The following TENM3 variants were observed in gnomAD, a reference collection of about 807,000 sequenced individuals.
TENM3 encodes teneurin transmembrane protein 3.
TENM3 carries 63 observed loss-of-function variants against 255.1 expected under a neutral mutation model. The observed-to-expected ratio is 0.25, with a 90% CI of 0.20 to 0.30. The LOEUF is 0.30. Ranked by LOEUF, TENM3 falls within the 10% of genes least tolerant of loss-of-function variation. TENM3 has a pLI of 1.00. For synonymous variants in TENM3, 1,306 were observed against 1,322.3 expected (o/e 0.99, Z 0.27); for missense variants, 2,929 against 3,461.1 (o/e 0.85, Z 3.86).
rs570798390 is a variant in TENM3 at position 182,571,306 on chromosome 4, AC to A, written c.512-29617del. ...TTTGGGAGGCCAAGGCAGACAGATC[AC>A]TTGAGCCCAGGAGTTTGAGACCAGC... is the stretch of plus-strand genomic sequence containing the variant. On this transcript the variant is annotated intron_variant, in intron 3 of 27. Coordinates refer to ENST00000511685, the MANE Select transcript of TENM3 (RefSeq NM_001080477.4). 4.6e-4 allele frequency among the ~76,000 whole-genome samples: 70 copies of A among 152,312 alleles called. 1 individual carries two copies. The South Asian group carries it at 0.014, about 31-fold the overall frequency.
the TENM3 span, among the ~76,000 whole-genome samples, chr4:182,076,070 T>C: frequency 6.6e-6 from 1 of 152,010 alleles, no homozygotes; most frequent in Non-Finnish European, 1.5e-5. Context: ...TGTGACACAA[T>C]GCCTAATTTT....
At chr4:182,702,926 C>T (rs1398075991) in intron 12 of TENM3, among the ~76,000 whole-genome samples, 4 of 151,808 alleles carry the variant, frequency 2.6e-5, no homozygotes, top group Non-Finnish European at 4.4e-5. Flanking sequence ...TTAGTAGAGA[C>T]GGGGTTTCAC....
intron 1 of TENM3, among the ~76,000 whole-genome samples, chr4:182,191,906 T>A (rs1388214677): frequency 6.6e-6 from 1 of 152,200 alleles, no homozygotes; most frequent in Non-Finnish European, 1.5e-5. Context: ...AATTTTATAA[T>A]TGTATGAGCC....
the TENM3 span, among the ~76,000 whole-genome samples, chr4:181,760,516 T>C: frequency 1.3e-5 from 2 of 152,168 alleles, no homozygotes; most frequent in South Asian, 2.1e-4. Flanking sequence ...GTATATATTA[T>C]TTGTAGTTTA....
the TENM3 span, among the ~76,000 whole-genome samples, chr4:181,558,436 G>A: frequency 1.3e-5 from 2 of 152,216 alleles, no homozygotes; most frequent in Admixed American, 1.3e-4. Flanking sequence ...AAATACAAAT[G>A]TGGATCGTGA....
At chr4:182,302,227 A>T (rs1454150288) in intron 1 of TENM3, among the ~76,000 whole-genome samples, 1 of 151,976 alleles carries the variant, frequency 6.6e-6, no homozygotes, top group Non-Finnish European at 1.5e-5. Flanking sequence ...GCCCCACCCC[A>T]CCTGTTCTCA....
At chr4:182,392,447 T>C (rs1230448976) in intron 3 of TENM3, among the ~76,000 whole-genome samples, 28 of 152,222 alleles carry the variant, frequency 1.8e-4, no homozygotes, top group Admixed American at 1.8e-3. Context: ...TTTAATTACA[T>C]GTAACTTGAA....
the TENM3 span, among the ~76,000 whole-genome samples, chr4:181,628,926 A>T: frequency 6.6e-6 from 1 of 152,106 alleles, no homozygotes; most frequent in Admixed American, 6.6e-5. Context: ...TACCTTGGGC[A>T]GTATGGCCAT....
chr4:182,715,244 G>A (rs1001051704), intron 13 of TENM3, among the ~76,000 whole-genome samples: 4 of 152,136 alleles, frequency 2.6e-5, no homozygotes, highest in Non-Finnish European at 5.9e-5. Context: ...GTTCCTATCC[G>A]GGCCTCTGTG....
At chr4:182,376,695 G>T (rs1435995062) in intron 3 of TENM3, among the ~76,000 whole-genome samples, 1 of 151,954 alleles carries the variant, frequency 6.6e-6, no homozygotes, top group Non-Finnish European at 1.5e-5. Context: ...CGGAGTCAGT[G>T]TACAGAAACC....
chr4:182,502,288 C>T (rs1284153545), intron 3 of TENM3, among the ~76,000 whole-genome samples: 1 of 152,080 alleles, frequency 6.6e-6, no homozygotes, highest in Non-Finnish European at 1.5e-5. Flanking sequence ...GCGGCAGAGG[C>T]GGTGCTGTGT....
the TENM3 span, among the ~76,000 whole-genome samples, chr4:181,719,686 TG>T: frequency 2.8e-4 from 42 of 152,248 alleles, 1 homozygote; most frequent in African/African-American, 9.6e-4. Context: ...CATATGAATT[TG>T]GGGGGATTCA....
chr4:182,072,686 A>G, the TENM3 span, among the ~76,000 whole-genome samples: 1 of 152,148 alleles, frequency 6.6e-6, no homozygotes, highest in Admixed American at 6.5e-5. Context: ...ACAGCTTCTT[A>G]AGGTGACACA....
chr4:182,470,183 T>C (rs1580663841), intron 3 of TENM3, among the ~76,000 whole-genome samples: 2 of 152,342 alleles, frequency 1.3e-5, no homozygotes, highest in South Asian at 2.1e-4. Context: ...GCAAGTCATT[T>C]ATTAACTAGT....
At chr4:181,547,945 G>T in the TENM3 span, among the ~76,000 whole-genome samples, 383 of 152,048 alleles carry the variant, frequency 2.5e-3, 2 homozygotes, top group African/African-American at 8.6e-3. Context: ...ATCTCCTAAT[G>T]CTATCCCTCC....
At chr4:182,134,787 G>A in the TENM3 span, among the ~76,000 whole-genome samples, 129 of 152,202 alleles carry the variant, frequency 8.5e-4, no homozygotes, top group African/African-American at 2.9e-3. Flanking sequence ...CACATGGCCC[G>A]TAGGAGCTTG....
the TENM3 span, among the ~76,000 whole-genome samples, chr4:181,909,660 C>T: frequency 2.0e-5 from 3 of 152,112 alleles, no homozygotes; most frequent in African/African-American, 7.2e-5. Flanking sequence ...TTTTAAAAAG[C>T]AATATGATGC....
rs1755973359 is a variant in TENM3 at position 182,679,707 on chromosome 4, C to G, written c.1368C>G (p.Ala456=). Residue 456 remains alanine (A), a synonymous_variant, in exon 8 of 28, where the codon GCC becomes GCG. Coordinates refer to ENST00000511685, the MANE Select transcript of TENM3 (RefSeq NM_001080477.4). ...TCCTGGATGGCAGCAGGCTGATTGC[C>G]AGAGAGCAGCGGAGCCTGCTTGAGA... ...VELLDGSRLI[A]REQRSLLETE... The G allele has an allele frequency of 6.2e-7, 1 of 1,613,234 alleles. No homozygotes were observed.
intron 1 of TENM3, among the ~76,000 whole-genome samples, chr4:182,285,348 G>A (rs867056687): frequency 4.6e-5 from 7 of 151,800 alleles, no homozygotes; most frequent in East Asian, 1.9e-4. Context: ...TGTTTTCTGC[G>A]TCTGTTTCTT....
Sources: allele counts gnomAD v4.1 joint callset (sites outside exome capture counted in the v4.1 genomes callset), GRCh38; gene constraint gnomAD v4.1.1; transcripts MANE v1.5; gene names NCBI Gene and HGNC (gene_info 2026-07-23, HGNC 2026-07-21).